RIMS1: variants seen among roughly 807,000 people sequenced by gnomAD.
The protein encoded by RIMS1 is regulating synaptic membrane exocytosis protein 1.
RIMS1 carries 83 observed loss-of-function variants against 214.1 expected under a neutral mutation model. That is an observed-to-expected ratio of 0.39 (90% confidence interval 0.32 to 0.47). RIMS1 has a LOEUF of 0.47. Among genes scored for constraint, RIMS1 ranks in the 20% least tolerant of loss-of-function variants. RIMS1 has a pLI of 0.99. For missense variants in RIMS1, 2,050 were observed against 2,161.8 expected, an observed-to-expected ratio of 0.95 and a Z score of 1.03; for synonymous variants, 793 against 786.8, an observed-to-expected ratio of 1.01 and a Z score of -0.13.
At chr6:72,207,679 A>G (rs1284028167) in intron 6 of RIMS1, among the ~76,000 whole-genome samples, 4 of 152,172 alleles carry the variant, frequency 2.6e-5, no homozygotes, top group Non-Finnish European at 5.9e-5. Flanking sequence ...GGAAGAAACT[A>G]ACTAGGACAC....
intron 4 of RIMS1, among the ~76,000 whole-genome samples, chr6:72,116,402 A>G (rs2037084426): frequency 1.3e-5 from 2 of 151,938 alleles, no homozygotes; most frequent in Non-Finnish European, 1.5e-5. Context: ...TAGCTCAAAG[A>G]CCATTGTCAG....
At position 72,274,448 on chromosome 6, in the gene RIMS1, T is replaced by C. The variant is rs760846319; in HGVS notation, c.3482+16T>C. The C allele has an allele frequency of 7.5e-6, 12 of 1,597,812 alleles. No individual in the cohort carries two copies. The Admixed American group carries it at 2.0e-4, about 27-fold the overall frequency. ...AGAATGACAGGTACTAGTCAACTCC[T>C]CCTCACAGACAAGTGGCTTCTAGAA... On this transcript the variant is annotated intron_variant, in intron 23 of 33. Transcript: ENST00000521978.
chr6:72,224,897 A>G (rs1043465910), intron 6 of RIMS1, among the ~76,000 whole-genome samples: 1 of 152,210 alleles, frequency 6.6e-6, no homozygotes, highest in Non-Finnish European at 1.5e-5. Context: ...CTGATTTCCT[A>G]TAGCTGTAGT....
chr6:72,342,356 G>A (rs2097122855), intron 29 of RIMS1, among the ~76,000 whole-genome samples: 1 of 151,636 alleles, frequency 6.6e-6, no homozygotes, highest in Admixed American at 6.6e-5. Context: ...TGTACTCTGG[G>A]TGGGAGCCCA....
Position 72,338,958 on chromosome 6 carries a change from A to G in RIMS1, c.4366+5123A>G, listed in dbSNP as rs572147987. On this transcript the variant is annotated intron_variant, in intron 29 of 33. Transcript: ENST00000521978. The stretch of plus-strand genomic sequence containing the variant: ...TTTATTGAACATCTATGTGGTTAGT[A>G]CATGCTAGGCATCATGCCAAGGCAC... 3.3e-5 allele frequency among the ~76,000 whole-genome samples: 5 copies of G among 151,958 alleles called. No individual in the cohort carries two copies. The South Asian group carries it at 6.2e-4, about 19-fold the overall frequency.
intron 1 of RIMS1, among the ~76,000 whole-genome samples, chr6:71,951,224 A>C (rs1561952530): frequency 6.6e-6 from 1 of 152,102 alleles, no homozygotes; most frequent in Non-Finnish European, 1.5e-5. Context: ...GTAAATGAAG[A>C]CTTGTTTTCT....
rs16882196 is a variant in RIMS1 at position 72,226,456 on chromosome 6, C to A, written c.1679-7317C>A. On this transcript the variant is annotated intron_variant, in intron 6 of 33. Coordinates refer to ENST00000521978, the MANE Select transcript of RIMS1 (RefSeq NM_014989.7). The stretch of plus-strand genomic sequence containing the variant: ...CAATGTTTTCTGTTTTCTCAAAGCC[C>A]CATTATCTACGGTATTTCATGTTTA... Among the ~76,000 whole-genome samples, 1,133 of 152,074 alleles carry A rather than the reference C, an allele frequency of 7.5e-3. 33 individuals carry two copies. The highest frequency in any genetic ancestry group is 0.037 in the East Asian group (190 of 5,186).
In RIMS1 at chr6:71,954,846, G is replaced by GCGCACA. The variant is rs559283383; in HGVS notation, c.165-14136_165-14135insGCACAC. 1.8e-3 allele frequency among the ~76,000 whole-genome samples: 264 copies of GCGCACA among 144,916 alleles called. 1 individual carries two copies. Among genetic ancestry groups the GCGCACA allele is most frequent in the African/African-American group, 6.5e-3 (257 of 39,322 alleles). ...TAAAACATCACAATACCACTCCTCA[G>GCGCACA]CACACACACACACACACACACACTC... On this transcript the variant is annotated intron_variant, in intron 1 of 33. Transcript: ENST00000521978.
At chr6:72,230,858 C>T (rs549246240) in intron 6 of RIMS1, among the ~76,000 whole-genome samples, 1 of 151,628 alleles carries the variant, frequency 6.6e-6, no homozygotes, top group South Asian at 2.1e-4. Context: ...TTGAACTTGG[C>T]TAGTTATGAA....
intron 1 of RIMS1, 149 bp downstream of exon 1, chr6:71,887,336 C>T (rs1768047222): frequency 9.9e-7 from 1 of 1,009,968 alleles, no homozygotes; most frequent in African/African-American, 1.6e-5. Context: ...GCCAGGGGCG[C>T]GGGGCTTGAG....
chr6:72,293,370 C>A (rs1234235911), intron 26 of RIMS1, among the ~76,000 whole-genome samples: 2 of 151,878 alleles, frequency 1.3e-5, no homozygotes, highest in African/African-American at 4.8e-5. Context: ...CCTCTCCTCT[C>A]TGGGAACATT....
intron 27 of RIMS1, among the ~76,000 whole-genome samples, chr6:72,307,898 A>G (rs1273417838): frequency 6.6e-6 from 1 of 152,210 alleles, no homozygotes; most frequent in Non-Finnish European, 1.5e-5. Context: ...TTTTCTAAAA[A>G]TATGTAAATA....
chr6:72,398,530 T>G (rs2098804450), intron 32 of RIMS1, among the ~76,000 whole-genome samples, 180 bp downstream of exon 32: 1 of 152,232 alleles, frequency 6.6e-6, no homozygotes, highest in Non-Finnish European at 1.5e-5. Flanking sequence ...GCACAGTTAT[T>G]CTTTCAGAAG....
chr6:72,290,181 C>T (rs1231936547), intron 24 of RIMS1, among the ~76,000 whole-genome samples: 1 of 152,110 alleles, frequency 6.6e-6, no homozygotes, highest in Non-Finnish European at 1.5e-5. Flanking sequence ...TTGTTTTTGG[C>T]ATAGTCTTGC....
intron 27 of RIMS1, among the ~76,000 whole-genome samples, chr6:72,309,206 A>T (rs1716877454): frequency 6.6e-6 from 1 of 152,102 alleles, no homozygotes; most frequent in Non-Finnish European, 1.5e-5. Context: ...TAGTCGATCC[A>T]AAAAATCGAC....
intron 24 of RIMS1, among the ~76,000 whole-genome samples, chr6:72,287,599 T>C (rs1460000785): frequency 1.3e-5 from 2 of 150,728 alleles, no homozygotes; most frequent in Non-Finnish European, 3.0e-5. Context: ...CTGCAAACTT[T>C]TTTTTTTTTT....
intron 4 of RIMS1, among the ~76,000 whole-genome samples, chr6:72,125,871 C>T (rs926688251): frequency 8.5e-5 from 13 of 152,132 alleles, no homozygotes; most frequent in Non-Finnish European, 1.6e-4. Context: ...GGGAGAGTCC[C>T]GATTTTCCAG....
chr6:72,044,512 TA>T (rs1822395912), intron 2 of RIMS1, among the ~76,000 whole-genome samples: 1 of 151,708 alleles, frequency 6.6e-6, no homozygotes, highest in Non-Finnish European at 1.5e-5. Flanking sequence ...CAAAAATAAC[TA>T]AATAATAAGA....
At chr6:72,256,837 A>C (rs2076066810) in intron 16 of RIMS1, among the ~76,000 whole-genome samples, 1 of 152,056 alleles carries the variant, frequency 6.6e-6, no homozygotes, top group South Asian at 2.1e-4. Flanking sequence ...TACAAAACTC[A>C]ATAGCTTAGT....
Sources: allele counts gnomAD v4.1 joint callset (sites outside exome capture counted in the v4.1 genomes callset), GRCh38; gene constraint gnomAD v4.1.1; transcripts MANE v1.5; gene names NCBI Gene and HGNC (gene_info 2026-07-23, HGNC 2026-07-21).